The following PRKN variants were observed in gnomAD, a reference collection of about 807,000 sequenced individuals.
PRKN encodes parkin RBR E3 ubiquitin protein ligase.
A neutral mutation model predicts 59.5 loss-of-function variants in PRKN; 56 were observed. That is an observed-to-expected ratio of 0.94 (90% CI 0.76 to 1.18). The LOEUF (loss-of-function observed/expected upper bound fraction) is 1.18. Among genes scored for constraint, PRKN ranks in the 50% most tolerant of loss-of-function variants. PRKN has a pLI of 0.00. For missense variants in PRKN, 657 were observed against 596.4 expected (o/e 1.10, Z -1.06); for synonymous variants, 250 against 222.1 (o/e 1.13, Z -1.12).
At chr6:162,021,119 CATATATATATATATAT>C (rs869269519) in intron 5 of PRKN, among the ~76,000 whole-genome samples, 852 of 46,554 alleles carry the variant, frequency 0.018, 127 homozygotes, top group African/African-American at 0.048. Context: ...AAAACAAAAA[CATATATATATATATAT>C]ATATATATAT....
chr6:161,573,719 CAAAAAAAAAAAAAAAA>C lies in PRKN; in HGVS notation c.872-4319_872-4304del, dbSNP rs1207463759. Among the ~76,000 whole-genome samples, 126 of 18,746 alleles carry C rather than the reference CAAAAAAAAAAAAAAAA, an allele frequency of 6.7e-3. 1 individual carries two copies. The highest frequency in any genetic ancestry group is 0.021 in the African/African-American group (124 of 6,038). 12.3% of individuals were successfully genotyped at this position (18,746 alleles called of 152,430 possible). ...TGGGCGACAGAGCGAGACTCCGTCT[CAAAAAAAAAAAAAAAA>C]AAAAAAAAAAAAAAAAAAAAATATA... On this transcript the variant is annotated intron_variant, in intron 7 of 11. Transcript: ENST00000366898.
chr6:161,397,294 A>G lies in PRKN; in HGVS notation c.1084-10417T>C, dbSNP rs13220090. On this transcript the variant is annotated intron_variant, in intron 9 of 11. Transcript: ENST00000366898. This position sits in a 1 kb window ranked among gnomAD's most constrained non-coding sequence, Gnocchi z 4.2. ...CTAAGGTGGATGTTTATAAAGCATA[A>G]AAGAGCTGAAGGACAATTGTGTACT... Among the ~76,000 whole-genome samples, 5,640 of 152,260 alleles carry G rather than the reference A, an allele frequency of 0.037. 122 individuals are homozygous for G. The highest frequency in any genetic ancestry group is 0.043 in the Non-Finnish European group (2,899 of 68,020).
chr6:161,936,001 TA>T (rs1237771792), intron 6 of PRKN, among the ~76,000 whole-genome samples: 1 of 152,142 alleles, frequency 6.6e-6, no homozygotes, highest in African/African-American at 2.4e-5. Flanking sequence ...GTGCCTAGAT[TA>T]GTGACAAAAG....
chr6:161,389,068 T>C (rs558973201), intron 9 of PRKN, among the ~76,000 whole-genome samples: 1 of 152,326 alleles, frequency 6.6e-6, no homozygotes, highest in South Asian at 2.1e-4. Context: ...TAGCCTAATT[T>C]TGCTTAAGAC....
chr6:161,637,203 T>A (rs1783556580), intron 7 of PRKN, among the ~76,000 whole-genome samples: 2 of 152,204 alleles, frequency 1.3e-5, no homozygotes, highest in African/African-American at 2.4e-5. Flanking sequence ...TAGGAAATGC[T>A]TCTGAGGGTC....
At chr6:162,378,948 A>G (rs796469577) in intron 2 of PRKN, among the ~76,000 whole-genome samples, 43 of 152,312 alleles carry the variant, frequency 2.8e-4, no homozygotes, top group African/African-American at 9.4e-4. Context: ...ATTTAATGGA[A>G]GCTTGGTAGT....
chr6:162,505,994 A>T (rs887337622), intron 1 of PRKN, among the ~76,000 whole-genome samples: 1 of 152,156 alleles, frequency 6.6e-6, no homozygotes, highest in South Asian at 2.1e-4. Flanking sequence ...TGCTTCAGTT[A>T]CCCAGCAAAG....
intron 1 of PRKN, among the ~76,000 whole-genome samples, chr6:162,493,040 G>A (rs1293644597): frequency 2.6e-5 from 4 of 151,576 alleles, no homozygotes; most frequent in Non-Finnish European, 5.9e-5. Flanking sequence ...CCCAAGGGAG[G>A]AGGATGGTGC....
chr6:162,138,567 TA>T (rs1193843022), intron 4 of PRKN, among the ~76,000 whole-genome samples: 5 of 151,746 alleles, frequency 3.3e-5, no homozygotes, highest in African/African-American at 1.2e-4. Flanking sequence ...ATCAATCAAT[TA>T]AAAAAGATCC....
chr6:161,708,732 A>G (rs564705436), intron 7 of PRKN, among the ~76,000 whole-genome samples: 3 of 152,224 alleles, frequency 2.0e-5, no homozygotes, highest in Non-Finnish European at 4.4e-5. Context: ...ATTTTATTAT[A>G]AAAGAGAAAA....
At chr6:162,359,077 A>ATGT (rs61153926) in intron 2 of PRKN, among the ~76,000 whole-genome samples, 5 of 96,202 alleles carry the variant, frequency 5.2e-5, no homozygotes, top group African/African-American at 1.1e-4. Flanking sequence ...AAAAAAAAAA[A>ATGT]AAATATATAT....
intron 9 of PRKN, among the ~76,000 whole-genome samples, chr6:161,519,871 G>A (rs1778755431): frequency 6.6e-6 from 1 of 152,180 alleles, no homozygotes; most frequent in South Asian, 2.1e-4. Context: ...AGGACCAGAA[G>A]AAGAACACAT....
At chr6:162,077,723 G>T (rs1241951267) in intron 4 of PRKN, among the ~76,000 whole-genome samples, 1 of 151,888 alleles carries the variant, frequency 6.6e-6, no homozygotes, top group East Asian at 1.9e-4. Context: ...TTCATGGCTG[G>T]GCGCTGTGGC....
At position 161,447,572 on chromosome 6, in the gene PRKN, C is replaced by A. The variant is rs771349107; in HGVS notation, c.1084-60695G>T. The stretch of plus-strand genomic sequence containing the variant: ...GCAGTGGAGTGATCTCAGCTCACTG[C>A]AACCTCCGCCTCCCGGGTTCAAGCG... On this transcript the variant is annotated intron_variant, in intron 9 of 11. Coordinates refer to ENST00000366898, the MANE Select transcript of PRKN (RefSeq NM_004562.3). The surrounding 1 kb of genome is among the most constrained non-coding windows in gnomAD (Gnocchi z 4.1). 6.6e-6 allele frequency among the ~76,000 whole-genome samples: 1 copy of A among 152,146 alleles called. No homozygotes were observed. Among genetic ancestry groups the A allele is most frequent in the Non-Finnish European group, 1.5e-5 (1 of 68,022 alleles).
intron 2 of PRKN, among the ~76,000 whole-genome samples, chr6:162,274,516 A>T (rs1270960997): frequency 2.0e-5 from 3 of 152,036 alleles, no homozygotes; most frequent in Non-Finnish European, 4.4e-5. Context: ...AGACATAACT[A>T]ATATATTGTA....
chr6:161,370,916 C>A (rs1246178228), intron 10 of PRKN, among the ~76,000 whole-genome samples: 1 of 152,206 alleles, frequency 6.6e-6, no homozygotes, highest in Non-Finnish European at 1.5e-5. Flanking sequence ...AACACTGAAA[C>A]CTTCCACCTT....
In PRKN at chr6:161,369,783, T is replaced by C. The variant is rs1347073693; in HGVS notation, c.1168-9578A>G. Among the ~76,000 whole-genome samples, 2 of 151,846 alleles carry C rather than the reference T, an allele frequency of 1.3e-5. No individual in the cohort carries two copies. Among genetic ancestry groups the C allele is most frequent in the Admixed American group, 1.3e-4 (2 of 15,216 alleles). ...GAAACATCTATAATATACTTATATA[T>C]AGATGTTTCATATATATATTTCATA... On this transcript the variant is annotated intron_variant, in intron 10 of 11. Transcript: ENST00000366898. This position sits in a 1 kb window ranked among gnomAD's most constrained non-coding sequence, Gnocchi z 5.8.
chr6:162,169,850 TACA>T (rs1302688950), intron 4 of PRKN, among the ~76,000 whole-genome samples: 1 of 152,214 alleles, frequency 6.6e-6, no homozygotes, highest in African/African-American at 2.4e-5. Flanking sequence ...TCTCCATTGT[TACA>T]ACATCTCCTT....
intron 7 of PRKN, among the ~76,000 whole-genome samples, chr6:161,714,638 CT>C (rs540582955): frequency 6.6e-6 from 1 of 152,138 alleles, no homozygotes; most frequent in Non-Finnish European, 1.5e-5. Flanking sequence ...ATGTAAAACA[CT>C]TTTTTTAAAT....
Sources: allele counts gnomAD v4.1 joint callset (sites outside exome capture counted in the v4.1 genomes callset), GRCh38; gene constraint gnomAD v4.1.1; non-coding constraint Gnocchi (gnomAD v3.1); transcripts MANE v1.5; gene names NCBI Gene and HGNC (gene_info 2026-07-23, HGNC 2026-07-21).